The following ADGRE2 variants were observed in gnomAD, a reference collection of about 807,000 sequenced individuals.
ADGRE2 encodes CD97 antigen.
Under a neutral mutation model 100.8 loss-of-function variants are expected in ADGRE2, and 83 were observed. That is an observed-to-expected ratio of 0.82 (90% CI 0.69 to 0.99). The LOEUF (loss-of-function observed/expected upper bound fraction) is 0.99, where lower values mean the gene tolerates loss of function less well. Among genes scored for constraint, ADGRE2 ranks in the 50% least tolerant of loss-of-function variants. ADGRE2 has a pLI of 0.00. For missense variants in ADGRE2, 814 were observed against 1,035.7 expected (o/e 0.79, Z 2.94); for synonymous variants, 355 against 413.0 (o/e 0.86, Z 1.70).
At position 14,733,520 on chromosome 19, in the gene ADGRE2, G is replaced by C. The variant is rs936411314; in HGVS notation, c.*2716C>G. On this transcript the variant is annotated 3_prime_UTR_variant, in exon 21 of 21. Transcript: ENST00000315576. ...ATAGGGAAGCTAAAAGCAGACTTGG[G>C]GGGTATGCCTACAGCTGCAGAAAAA... 4 of 152,060 alleles carry C rather than the reference G, an allele frequency of 2.6e-5. No homozygotes were observed. Among genetic ancestry groups the C allele is most frequent in the Admixed American group, 2.6e-4 (4 of 15,240 alleles). The allele number at this position is 152,060 out of a possible 1,614,324, so 9.4% of individuals were successfully genotyped here.
the ADGRE2 span, among the ~76,000 whole-genome samples, chr19:14,725,151 G>A: frequency 6.6e-6 from 1 of 152,262 alleles, no homozygotes; most frequent in Middle Eastern, 3.4e-3. Context: ...ATGAGAATGG[G>A]AGCGAGCAGG....
chr19:14,727,061 T>C, the ADGRE2 span, among the ~76,000 whole-genome samples: 346 of 143,988 alleles, frequency 2.4e-3, 8 homozygotes, highest in East Asian at 0.06. Context: ...GGTGGAGTCT[T>C]GCTTTGTTGC....
At chr19:14,749,536 G>A (rs185505713) in intron 16 of ADGRE2, among the ~76,000 whole-genome samples, 5,455 of 38,754 alleles carry the variant, frequency 0.14, 1,174 homozygotes, top group African/African-American at 0.44. Context: ...AATTATTTAT[G>A]GTTATATAAT....
At position 14,743,401 on chromosome 19, in the gene ADGRE2, G is replaced by A. The variant is rs1568580719; in HGVS notation, c.2463+19C>T. ...GTGGGTCGGTTAGTGAAGTGCTCTG[G>A]AGCAATGCGTGATCTTACCGTGCTG... On this transcript the variant is annotated intron_variant, in intron 20 of 20. Transcript: ENST00000315576. 1.2e-6 allele frequency: 2 copies of A among 1,603,736 alleles called. No individual in the cohort carries two copies. Among genetic ancestry groups the A allele is most frequent in the Non-Finnish European group, 1.7e-6 (2 of 1,170,550 alleles).
chr19:14,728,111 G>C (rs1030944499), downstream of ADGRE2, among the ~76,000 whole-genome samples: 1 of 152,324 alleles, frequency 6.6e-6, no homozygotes, highest in South Asian at 2.1e-4. Flanking sequence ...TACTCGGGAG[G>C]CTGAGGCAGG....
At chr19:14,736,574 A>ATG (rs2042749937) in intron 20 of ADGRE2, among the ~76,000 whole-genome samples, 1 of 149,104 alleles carries the variant, frequency 6.7e-6, no homozygotes, top group African/African-American at 2.5e-5. Context: ...ATATATATAT[A>ATG]TTTCTAAATA....
chr19:14,746,081 T>TGATGGCTGCCATAGAAG (rs1175666030), intron 18 of ADGRE2, 151 bp downstream of exon 18: 4 of 633,892 alleles, frequency 6.3e-6, no homozygotes, highest in Non-Finnish European at 1.1e-5. Flanking sequence ...ACTGAATCTG[T>TGATGGCTGCCATAGAAG]GATGGCTGCC....
At chr19:14,754,914 G>T in intron 14 of ADGRE2, 40 bp downstream of exon 14, 2 of 1,589,288 alleles carry the variant, frequency 1.3e-6, no homozygotes, top group Non-Finnish European at 1.7e-6. Context: ...TTTGTTACAC[G>T]GCAATAAATG....
rs1175446647 is a variant in ADGRE2 at position 14,733,204 on chromosome 19, G to A, written c.*3032C>T. The A allele has an allele frequency of 6.6e-6, 1 of 152,228 alleles. No individual in the cohort carries two copies. Among genetic ancestry groups the A allele is most frequent in the African/African-American group, 2.4e-5 (1 of 41,458 alleles). 9.4% of individuals were successfully genotyped at this position (152,228 alleles called of 1,614,324 possible). A position where few individuals can be genotyped will look rare whatever the true frequency, so the allele number is the denominator to read the frequency against. On this transcript the variant is annotated 3_prime_UTR_variant, in exon 21 of 21. Transcript: ENST00000315576. ...TAGGCATGGAGGTTGAGGATCAGGAGTGACTTGAGGGTACTGACTGGCAGA... is the reference window on the plus strand; with the variant it reads ...TAGGCATGGAGGTTGAGGATCAGGAATGACTTGAGGGTACTGACTGGCAGA...
intron 5 of ADGRE2, among the ~76,000 whole-genome samples, chr19:14,767,813 C>A (rs1290637939): frequency 6.6e-6 from 1 of 152,184 alleles, no homozygotes; most frequent in African/African-American, 2.4e-5. Flanking sequence ...AAGGACAGAG[C>A]CTTCCTGTGA....
intron 5 of ADGRE2, among the ~76,000 whole-genome samples, chr19:14,767,427 G>A (rs2044032116): frequency 6.6e-6 from 1 of 151,976 alleles, no homozygotes; most frequent in Non-Finnish European, 1.5e-5. Flanking sequence ...TTTAGTATTA[G>A]ACGGGGTTTC....
intron 14 of ADGRE2, 64 bp from the exon 15 acceptor site, chr19:14,752,590 C>A: frequency 6.4e-7 from 1 of 1,559,406 alleles, no homozygotes; most frequent in Non-Finnish European, 8.7e-7. Flanking sequence ...GACCCCACCA[C>A]CATTTAAAAT....
downstream of ADGRE2, chr19:14,731,879 T>C (rs181192815): frequency 6.6e-6 from 1 of 152,326 alleles, no homozygotes; most frequent in East Asian, 1.9e-4. Context: ...AGTGAAGATA[T>C]GGGGGCAAAT....
intron 2 of ADGRE2, among the ~76,000 whole-genome samples, chr19:14,775,311 A>G (rs988183373): frequency 6.6e-6 from 1 of 152,050 alleles, no homozygotes; most frequent in Non-Finnish European, 1.5e-5. Context: ...GGCCAAAAAA[A>G]TTAAAAATAA....
At chr19:14,777,090 T>C in intron 1 of ADGRE2, 163 bp from the exon 2 acceptor site, 2 of 985,424 alleles carry the variant, frequency 2.0e-6, no homozygotes, top group Non-Finnish European at 2.4e-6. Context: ...CATGTGGCTC[T>C]GACCAACCCT....
intron 4 of ADGRE2, 98 bp from the exon 5 acceptor site, chr19:14,772,595 A>G: frequency 6.9e-7 from 1 of 1,448,076 alleles, no homozygotes; most frequent in Non-Finnish European, 9.5e-7. Context: ...CCTGCTGCTT[A>G]GTATCTTTTG....
chr19:14,760,127 T>C (rs1385159813), intron 11 of ADGRE2, among the ~76,000 whole-genome samples: 5 of 152,084 alleles, frequency 3.3e-5, no homozygotes, highest in Non-Finnish European at 7.4e-5. Context: ...CCAAGTTCTA[T>C]TGTTTGACAG....
At position 14,776,493 on chromosome 19, in the gene ADGRE2, C is replaced by G. The variant is rs2044444482; in HGVS notation, c.31+233G>C. 5.2e-6 allele frequency: 3 copies of G among 572,774 alleles called. No individual in the cohort carries two copies. The Admixed American group carries it at 9.2e-5, about 18-fold the overall frequency. The allele number at this position is 572,774 out of a possible 1,614,324, so 35.5% of individuals were successfully genotyped here. A position where few individuals can be genotyped will look rare whatever the true frequency, so the allele number is the denominator to read the frequency against. ...TCCAGTAGAAAGCTTGAGGATCCCT[C>G]CGGGCAGGGTAGCAGGCTCCGAGAG... On this transcript the variant is annotated intron_variant, in intron 2 of 20. Coordinates refer to ENST00000315576, the MANE Select transcript of ADGRE2 (RefSeq NM_013447.4).
chr19:14,745,301 G>A (rs2043054309), intron 18 of ADGRE2, among the ~76,000 whole-genome samples: 2 of 152,270 alleles, frequency 1.3e-5, no homozygotes, highest in South Asian at 4.1e-4. Flanking sequence ...GTACATCTTT[G>A]TGGGGACATA....
Sources: gnomAD v4.1 joint callset for allele counts (sites outside exome capture counted in the v4.1 genomes callset) on GRCh38, gnomAD v4.1.1 for gene constraint, MANE v1.5 for transcripts, NCBI Gene and HGNC (gene_info 2026-07-23, HGNC 2026-07-21) for gene names.